The following AKAP8 variants were observed in gnomAD, a reference collection of about 807,000 sequenced individuals.
The protein encoded by AKAP8 is A-kinase anchor protein 8.
In AKAP8, 24 loss-of-function variants were observed where a neutral mutation model predicts 67.5. The ratio of observed to expected loss-of-function variants is 0.36; its 90% CI spans 0.26 to 0.50. The LOEUF (loss-of-function observed/expected upper bound fraction) is 0.50. Among genes scored for constraint, AKAP8 ranks in the 20% least tolerant of loss-of-function variants. AKAP8 has a pLI of 0.97. For missense variants in AKAP8, 971 were observed against 955.9 expected (o/e 1.02, Z -0.21); for synonymous variants, 400 against 371.1 (o/e 1.08, Z -0.90).
intron 1 of AKAP8, 84 bp downstream of exon 1, chr19:15,379,629 C>G (rs1053870935): frequency 2.0e-6 from 3 of 1,501,210 alleles, no homozygotes; most frequent in African/African-American, 1.4e-5. Context: ...GGACGAAGGC[C>G]CGGCCGGCGG....
intron 9 of AKAP8, among the ~76,000 whole-genome samples, chr19:15,366,887 G>GCGCTCA (rs1967079576): frequency 1.3e-5 from 2 of 151,524 alleles, no homozygotes; most frequent in Non-Finnish European, 2.9e-5. Flanking sequence ...GGGATTACAG[G>GCGCTCA]CGTGAGCCAC....
chr19:15,372,160 C>T, intron 6 of AKAP8, 58 bp downstream of exon 6: 1 of 1,609,546 alleles, frequency 6.2e-7, no homozygotes, highest in Non-Finnish European at 8.5e-7. Flanking sequence ...AGCAGAGCCC[C>T]CAGCAGGCAG....
intron 9 of AKAP8, among the ~76,000 whole-genome samples, chr19:15,366,098 TTA>T (rs1568426036): frequency 6.1e-5 from 8 of 131,916 alleles, no homozygotes; most frequent in East Asian, 4.5e-4. Flanking sequence ...TTTTTTTTTT[TTA>T]AAAAAAGTCA....
chr19:15,368,016 G>A (rs1166522426), intron 9 of AKAP8, among the ~76,000 whole-genome samples: 4 of 152,212 alleles, frequency 2.6e-5, no homozygotes, highest in African/African-American at 9.6e-5. Flanking sequence ...CCAAAGCAAC[G>A]TCCCAGCCAT....
chr19:15,363,641 C>A (rs1331179383), intron 9 of AKAP8, among the ~76,000 whole-genome samples: 2 of 152,000 alleles, frequency 1.3e-5, no homozygotes, highest in Non-Finnish European at 2.9e-5. Context: ...CCAGCCACCA[C>A]CCTGTCTGGG....
chr19:15,365,586 T>C (rs1967055006), intron 9 of AKAP8, among the ~76,000 whole-genome samples: 1 of 152,198 alleles, frequency 6.6e-6, no homozygotes, highest in Non-Finnish European at 1.5e-5. Context: ...ACACCTCCGC[T>C]TCTGCAGACA....
Position 15,354,564 on chromosome 19 carries a change from T to A in AKAP8, c.*351A>T. 1 of 239,428 alleles carries A rather than the reference T, an allele frequency of 4.2e-6. No individual in the cohort carries two copies. The highest frequency in any genetic ancestry group is 8.1e-6 in the Non-Finnish European group (1 of 123,084). The allele number at this position is 239,428 out of a possible 1,614,324, so 14.8% of individuals were successfully genotyped here. A position where few individuals can be genotyped will look rare whatever the true frequency, so the allele number is the denominator to read the frequency against. On this transcript the variant is annotated 3_prime_UTR_variant, in exon 14 of 14. Coordinates refer to ENST00000269701, the MANE Select transcript of AKAP8 (RefSeq NM_005858.4). The stretch of plus-strand genomic sequence containing the variant: ...TTCCCAACCAAATAAAAAAAAAAAT[T>A]AAGGAAAAAAATAAAAAAGGAAGCA...
intron 13 of AKAP8, 26 bp downstream of exon 13, chr19:15,358,941 T>C (rs372005974): frequency 1.1e-4 from 182 of 1,604,784 alleles, no homozygotes; most frequent in South Asian, 1.9e-4. Flanking sequence ...AAGCTTTTCC[T>C]GTCTGTGGTA....
rs746443045 is a variant in AKAP8, at chr19:15,372,361, G to A, written c.862-14C>T. The A allele has an allele frequency of 6.2e-7, 1 of 1,614,018 alleles. No homozygotes were observed. Among genetic ancestry groups the A allele is most frequent in the Non-Finnish European group, 8.5e-7 (1 of 1,179,898 alleles). ...TCTCCTCTTGGGCTACAGACAACAA[G>A]CACACCCCATGAGCTACTTACGAGG... On this transcript the variant is annotated splice_polypyrimidine_tract_variant and intron_variant, in intron 5 of 13. Coordinates refer to ENST00000269701, the MANE Select transcript of AKAP8 (RefSeq NM_005858.4).
intron 12 of AKAP8, among the ~76,000 whole-genome samples, chr19:15,359,443 G>C (rs1187443727): frequency 3.9e-5 from 6 of 152,298 alleles, no homozygotes; most frequent in African/African-American, 1.4e-4. Context: ...GAATATGCTG[G>C]GTGTGGCAGC....
chr19:15,365,165 C>T (rs1438021833), intron 9 of AKAP8, among the ~76,000 whole-genome samples: 1 of 152,212 alleles, frequency 6.6e-6, no homozygotes, highest in African/African-American at 2.4e-5. Context: ...TGGGGCCCAG[C>T]ATCTAGCTTC....
intron 9 of AKAP8, among the ~76,000 whole-genome samples, chr19:15,367,131 T>C (rs936279391): frequency 2.0e-5 from 3 of 152,176 alleles, no homozygotes; most frequent in African/African-American, 7.2e-5. Flanking sequence ...GGTCTTGAAC[T>C]CCCGGCCTCA....
rs549644414 is a variant in AKAP8 at position 15,362,040 on chromosome 19, C to T, written c.1302+70G>A. The T allele has an allele frequency of 5.4e-5, 86 of 1,578,836 alleles. 4 individuals are homozygous for T. The Middle Eastern group carries it at 5.6e-3, about 103-fold the overall frequency. ...CCAAGTATAGCCTCTGATTTCCCTT[C>T]CTCCTTCAAGGGATCCGGCACCTGC... On this transcript the variant is annotated intron_variant, in intron 10 of 13. Coordinates refer to ENST00000269701, the MANE Select transcript of AKAP8 (RefSeq NM_005858.4).
chr19:15,357,173 C>T (rs1323214133), intron 13 of AKAP8, among the ~76,000 whole-genome samples: 5 of 151,470 alleles, frequency 3.3e-5, no homozygotes, highest in Non-Finnish European at 7.4e-5. Flanking sequence ...CTTGGCCAGG[C>T]TGGTCTTGAA....
At chr19:15,373,580 G>T in intron 4 of AKAP8, 1 of 913,352 alleles carries the variant, frequency 1.1e-6, no homozygotes, top group Non-Finnish European at 1.6e-6. Context: ...GGGGAGCTTA[G>T]CCAACAACCA....
Position 15,354,444 on chromosome 19 carries a change from ATGGTGCACT to A in AKAP8, c.*462_*470del, listed in dbSNP as rs2048263674. On this transcript the variant is annotated 3_prime_UTR_variant, in exon 14 of 14. Coordinates refer to ENST00000269701, the MANE Select transcript of AKAP8 (RefSeq NM_005858.4). ...AAGTCCTGTGAAAGTCACACACCAT[ATGGTGCACT>A]ACAAAGGTATAGGTTAAAGGCTGAA... The A allele has an allele frequency of 2.4e-5, 4 of 164,232 alleles. No individual in the cohort carries two copies. The highest frequency in any genetic ancestry group is 5.4e-5 in the Non-Finnish European group (4 of 74,154). The allele number at this position is 164,232 out of a possible 1,614,324, so 10.2% of individuals were successfully genotyped here.
intron 9 of AKAP8, among the ~76,000 whole-genome samples, chr19:15,362,496 T>A (rs1022124791): frequency 1.3e-4 from 19 of 151,898 alleles, no homozygotes; most frequent in Non-Finnish European, 2.4e-4. Context: ...TGCCTGCGAT[T>A]GCAGGCGCGC....
Position 15,379,623 on chromosome 19 carries a change from G to A in AKAP8, c.19+90C>T, listed in dbSNP as rs1420917342. The A allele has an allele frequency of 2.2e-5, 32 of 1,476,706 alleles. No individual in the cohort carries two copies. In the East Asian group the frequency reaches 8.6e-4, roughly 40 times the overall value. The allele number at this position is 1,476,706 out of a possible 1,614,324, so 91.5% of individuals were successfully genotyped here. A position where few individuals can be genotyped will look rare whatever the true frequency, so the allele number is the denominator to read the frequency against. The stretch of plus-strand genomic sequence containing the variant: ...CAGCTGGGGCAACCACGCTCGGGAC[G>A]AAGGCCCGGCCGGCGGCAGTCTGCG... On this transcript the variant is annotated intron_variant, in intron 1 of 13. Transcript: ENST00000269701.
At chr19:15,355,867 G>A (rs1421393095) in intron 13 of AKAP8, among the ~76,000 whole-genome samples, 1 of 151,986 alleles carries the variant, frequency 6.6e-6, no homozygotes, top group East Asian at 1.9e-4. Flanking sequence ...CTCCTGAGTA[G>A]CTGGGATTAC....
Sources: allele counts gnomAD v4.1 joint callset (sites outside exome capture counted in the v4.1 genomes callset), GRCh38; gene constraint gnomAD v4.1.1; transcripts MANE v1.5; gene names NCBI Gene and HGNC (gene_info 2026-07-23, HGNC 2026-07-21).